The following ERICH6 variants were observed in gnomAD, a reference collection of about 807,000 sequenced individuals.
The protein encoded by ERICH6 is glutamate rich 6, also known as glutamate-rich protein 6.
Under a neutral mutation model 71.0 loss-of-function variants are expected in ERICH6, and 71 were observed. The ratio of observed to expected loss-of-function variants is 1.00; its 90% confidence interval spans 0.83 to 1.22. The LOEUF (loss-of-function observed/expected upper bound fraction) is 1.22, where lower values mean the gene tolerates loss of function less well. Among genes scored for constraint, ERICH6 ranks in the 50% most tolerant of loss-of-function variants. The pLI is 0.00. For missense variants in ERICH6, 808 were observed against 797.2 expected, an observed-to-expected ratio of 1.01 and a Z score of -0.16; for synonymous variants, 262 against 278.4, an observed-to-expected ratio of 0.94 and a Z score of 0.59.
rs373683596 is a variant in ERICH6, at chr3:150,660,161, C to T, written c.1729-6G>A. 8.0e-5 allele frequency: 128 copies of T among 1,607,666 alleles called. No individual in the cohort carries two copies. The highest frequency in any genetic ancestry group is 6.8e-5 in the Admixed American group (4 of 59,182). ...ATCTCCTCAGGGTTTGGTAGCTTTT[C>T]AGCAAAGAGAAAGAGAAGGAAACTC... On this transcript the variant is annotated splice_polypyrimidine_tract_variant and splice_region_variant and intron_variant, in intron 13 of 13. Transcript: ENST00000295910.
In ERICH6 at chr3:150,703,860, C is replaced by A. The variant is rs762655104; in HGVS notation, c.39G>T (p.Pro13=). Residue 13 remains proline, a synonymous_variant, in exon 1 of 14, where the codon CCG becomes CCT. Coordinates refer to ENST00000295910, the MANE Select transcript of ERICH6 (RefSeq NM_152394.5). ...CTGACTCCTTCTGGTCCTTCTTCCC[C>A]GGGTCTCCGAAGCCGCTAGGCGAGC... The part of the protein sequence containing the change: ...HLRSPSGFGD[P]GKKDQKESEE... 57 of 1,613,832 alleles carry A rather than the reference C, an allele frequency of 3.5e-5. No individual in the cohort carries two copies. In the South Asian group the frequency reaches 5.9e-4, roughly 17 times the overall value.
intron 13 of ERICH6, among the ~76,000 whole-genome samples, chr3:150,665,827 CAAA>C (rs530457228): frequency 1.0e-4 from 7 of 69,988 alleles, no homozygotes; most frequent in Admixed American, 1.6e-4. Flanking sequence ...GGCTCCATCT[CAAA>C]AAAAAAAAAA....
In ERICH6 at chr3:150,680,986, G is replaced by A. The variant is rs1461485896; in HGVS notation, c.883-56C>T. On this transcript the variant is annotated intron_variant, in intron 7 of 13. Transcript: ENST00000295910. ...TTAGTCCTAGATGAGGAGGATTAGAGGGGATAAAAATGACTAACAAGGTTT... is the reference window on the plus strand; with the variant it reads ...TTAGTCCTAGATGAGGAGGATTAGAAGGGATAAAAATGACTAACAAGGTTT... 44 of 1,496,640 alleles carry A rather than the reference G, an allele frequency of 2.9e-5. 1 individual carries two copies. Among genetic ancestry groups the A allele is most frequent in the Admixed American group, 1.4e-4 (6 of 44,346 alleles). 92.7% of individuals were successfully genotyped at this position (1,496,640 alleles called of 1,614,324 possible).
intron 3 of ERICH6, among the ~76,000 whole-genome samples, chr3:150,688,043 A>G (rs1323325985): frequency 6.6e-6 from 1 of 152,134 alleles, no homozygotes; most frequent in Non-Finnish European, 1.5e-5. Flanking sequence ...TTGCTGGAGC[A>G]GGAGGTTGAG....
chr3:150,672,907 C>G (rs1421036620), intron 11 of ERICH6, among the ~76,000 whole-genome samples: 3 of 151,646 alleles, frequency 2.0e-5, no homozygotes, highest in African/African-American at 7.3e-5. Context: ...TGCCTGTGGT[C>G]CCAGCTACTT....
Position 150,667,005 on chromosome 3 carries a change from T to G in ERICH6, c.1510A>C (p.Asn504His). 6.2e-7 allele frequency: 1 copy of G among 1,613,688 alleles called. No homozygotes were observed. Among genetic ancestry groups the G allele is most frequent in the Non-Finnish European group, 8.5e-7 (1 of 1,179,758 alleles). Residue 504 changes from asparagine (N) to histidine (H), a missense_variant, in exon 13 of 14, where the codon AAT (asparagine) becomes CAT (histidine). By Grantham distance (68) the Asn-to-His change is moderately conservative. Transcript: ENST00000295910. Reference protein sequence around the residue: ...HPNGNVWVYINILGGQYSDQA... With the variant: ...HPNGNVWVYIHILGGQYSDQA... Reference sequence around the variant, plus strand: ...TCTGAATATTGACCTCCCAAGATATTGATGTATACCCTGGTCAGGAAGGAA... The same window carrying G: ...TCTGAATATTGACCTCCCAAGATATGGATGTATACCCTGGTCAGGAAGGAA...
chr3:150,661,511 C>G (rs1727223553), intron 13 of ERICH6, among the ~76,000 whole-genome samples: 1 of 152,100 alleles, frequency 6.6e-6, no homozygotes, highest in Non-Finnish European at 1.5e-5. Context: ...ATTTACCTAT[C>G]AGAGAAACTT....
At chr3:150,674,067 A>T (rs774739411) in intron 10 of ERICH6, 26 bp from the exon 11 acceptor site, 1 of 1,597,332 alleles carries the variant, frequency 6.3e-7, no homozygotes, top group Non-Finnish European at 8.6e-7. Context: ...AAGAAAAGAC[A>T]CTTAATTGTT....
chr3:150,701,968 CAA>C (rs984812339), intron 2 of ERICH6, among the ~76,000 whole-genome samples, 151 bp downstream of exon 2: 4 of 152,108 alleles, frequency 2.6e-5, no homozygotes, highest in African/African-American at 9.7e-5. Context: ...TTATCTCTTT[CAA>C]AGTGTCTACC....
At chr3:150,692,252 T>G (rs1354638313) in intron 3 of ERICH6, among the ~76,000 whole-genome samples, 1 of 152,194 alleles carries the variant, frequency 6.6e-6, no homozygotes, top group Non-Finnish European at 1.5e-5. Flanking sequence ...ATTGGCTTCA[T>G]GCTGTATTTA....
chr3:150,697,544 A>T (rs539328045), intron 3 of ERICH6, among the ~76,000 whole-genome samples: 15 of 152,206 alleles, frequency 9.9e-5, no homozygotes, highest in African/African-American at 2.6e-4. Flanking sequence ...TCTAGTAGTC[A>T]GTTCTCAGTC....
At chr3:150,692,462 C>A (rs1007600478) in intron 3 of ERICH6, among the ~76,000 whole-genome samples, 4 of 152,070 alleles carry the variant, frequency 2.6e-5, no homozygotes, top group African/African-American at 9.7e-5. Flanking sequence ...TAAATTATGT[C>A]TTTTCCTGAT....
chr3:150,670,668 G>A (rs2108045610), intron 11 of ERICH6, among the ~76,000 whole-genome samples: 1 of 152,188 alleles, frequency 6.6e-6, no homozygotes, highest in African/African-American at 2.4e-5. Flanking sequence ...GTTCAGCAGG[G>A]TTGTAAGCTA....
intron 1 of ERICH6, among the ~76,000 whole-genome samples, chr3:150,702,809 CAA>C (rs1712945647): frequency 1.4e-5 from 1 of 71,302 alleles, no homozygotes; most frequent in African/African-American, 4.8e-5. Context: ...ATGTTAAACA[CAA>C]AAGAGAGTTG....
rs779941644 is a variant in ERICH6 at position 150,674,014 on chromosome 3, G to T, written c.1285C>A (p.His429Asn). 1 of 1,613,912 alleles carries T rather than the reference G, an allele frequency of 6.2e-7. No individual in the cohort carries two copies. Among genetic ancestry groups the T allele is most frequent in the East Asian group, 2.2e-5 (1 of 44,884 alleles). The change falls in exon 11 of 14, where the codon CAC (histidine) becomes AAC (asparagine). Residue 429 changes from histidine to asparagine, a missense_variant. Coordinates refer to ENST00000295910, the MANE Select transcript of ERICH6 (RefSeq NM_152394.5). ...KVVRNELLEK[H>N]YKHGSKFLTS... ...AGAAACTTGCTCCCATGTTTGTAGT[G>T]CTTCTCTAAGAGCTCATTCCTGACA...
rs1205944945 is a variant in ERICH6, at chr3:150,685,646, C to T, written c.783+96G>A. The T allele has an allele frequency of 1.7e-3, 1,495 of 888,948 alleles. 2 individuals are homozygous for T. Among genetic ancestry groups the T allele is most frequent in the African/African-American group, 0.011 (467 of 41,512 alleles). The allele number at this position is 888,948 out of a possible 1,614,324, so 55.1% of individuals were successfully genotyped here. ...GAGCTCTTTGGCTTTTTTTTTTTTT[C>T]CTTTTAGAGTATTTTCACTGTCTAT... On this transcript the variant is annotated intron_variant, in intron 6 of 13. Transcript: ENST00000295910.
At chr3:150,677,412 C>T (rs187598734) in intron 10 of ERICH6, among the ~76,000 whole-genome samples, 30 of 151,384 alleles carry the variant, frequency 2.0e-4, no homozygotes, top group Admixed American at 7.9e-4. Context: ...TCAGTATGTC[C>T]GAGAACAGAA....
At chr3:150,696,933 C>G (rs780914164) in intron 3 of ERICH6, among the ~76,000 whole-genome samples, 1 of 152,092 alleles carries the variant, frequency 6.6e-6, no homozygotes, top group Non-Finnish European at 1.5e-5. Context: ...CAGCAATACT[C>G]GGTGTGTACA....
At chr3:150,663,449 T>A (rs1727292207) in intron 13 of ERICH6, among the ~76,000 whole-genome samples, 2 of 152,186 alleles carry the variant, frequency 1.3e-5, no homozygotes, top group Admixed American at 6.5e-5. Context: ...CAAGTTCTGC[T>A]GTGTTAAGTT....
Sources: gnomAD v4.1 joint callset for allele counts (sites outside exome capture counted in the v4.1 genomes callset) on GRCh38, gnomAD v4.1.1 for gene constraint, MANE v1.5 for transcripts, NCBI Gene and HGNC (gene_info 2026-07-23, HGNC 2026-07-21) for gene names.